Variants in GALNTL6 observed in about 807,000 individuals in gnomAD.
GALNTL6 encodes polypeptide N-acetylgalactosaminyltransferase like 6, also known as polypeptide N-acetylgalactosaminyltransferase-like 6.
GALNTL6 carries 46 observed loss-of-function variants against 73.7 expected under a neutral mutation model. The observed-to-expected ratio is 0.62, with a 90% confidence interval of 0.49 to 0.80. GALNTL6 has a LOEUF of 0.80. Ranked by LOEUF, GALNTL6 falls within the 30% of genes least tolerant of loss-of-function variation. The pLI is 0.00. For missense variants in GALNTL6, 604 were observed against 755.0 expected, an observed-to-expected ratio of 0.80 and a Z score of 2.34; for synonymous variants, 259 against 263.7, an observed-to-expected ratio of 0.98 and a Z score of 0.17.
intron 2 of GALNTL6, among the ~76,000 whole-genome samples, chr4:171,937,268 T>C (rs1050545364): frequency 2.4e-4 from 37 of 152,278 alleles, no homozygotes; most frequent in African/African-American, 8.7e-4. Flanking sequence ...AGAATTACTA[T>C]TGCTATTTTA....
chr4:172,229,251 C>T (rs1736971564), intron 2 of GALNTL6, among the ~76,000 whole-genome samples: 1 of 152,156 alleles, frequency 6.6e-6, no homozygotes, highest in Admixed American at 6.5e-5. Flanking sequence ...CAAAGCCGTT[C>T]AGATATGTTT....
chr4:172,457,583 C>G (rs1304856944), intron 5 of GALNTL6, among the ~76,000 whole-genome samples: 3 of 152,126 alleles, frequency 2.0e-5, no homozygotes, highest in Non-Finnish European at 4.4e-5. Flanking sequence ...ATAAAACAGA[C>G]TTTAAACCAA....
intron 5 of GALNTL6, among the ~76,000 whole-genome samples, chr4:172,524,078 T>G (rs1342423144): frequency 6.6e-6 from 1 of 152,206 alleles, no homozygotes; most frequent in African/African-American, 2.4e-5. Context: ...AGCACATATG[T>G]CTATAATCTA....
chr4:172,869,875 C>A lies in GALNTL6; in HGVS notation c.924-12915C>A, dbSNP rs144247107. Among the ~76,000 whole-genome samples, 364 of 152,212 alleles carry A rather than the reference C, an allele frequency of 2.4e-3. 2 individuals are homozygous for A. The highest frequency in any genetic ancestry group is 8.5e-3 in the African/African-American group (355 of 41,528). On this transcript the variant is annotated intron_variant, in intron 7 of 12. Coordinates refer to ENST00000506823, the MANE Select transcript of GALNTL6 (RefSeq NM_001034845.3). ...TCAATACATTCACATGTGTTAGTCA[C>A]CCCTTCTTAGGCTCTGGAAAGACTC...
At chr4:172,498,263 T>TA (rs1200036035) in intron 5 of GALNTL6, among the ~76,000 whole-genome samples, 9 of 152,072 alleles carry the variant, frequency 5.9e-5, no homozygotes, top group African/African-American at 2.2e-4. Flanking sequence ...GCTGGGATTA[T>TA]AGGCATGAGC....
chr4:172,351,063 T>C (rs6553627), intron 5 of GALNTL6, among the ~76,000 whole-genome samples: 3,452 of 152,220 alleles, frequency 0.023, 122 homozygotes, highest in African/African-American at 0.077. Context: ...GGGAGAGCGA[T>C]TGCTCTCAGC....
At chr4:172,876,577 C>T (rs1277940845) in intron 7 of GALNTL6, among the ~76,000 whole-genome samples, 6 of 152,274 alleles carry the variant, frequency 3.9e-5, no homozygotes, top group Middle Eastern at 6.8e-3. Context: ...ACCCCCAGCC[C>T]AGGAACAGCT....
chr4:172,646,893 T>C (rs1283987261), intron 5 of GALNTL6, among the ~76,000 whole-genome samples: 1 of 152,064 alleles, frequency 6.6e-6, no homozygotes, highest in East Asian at 1.9e-4. Context: ...AATCTTGACA[T>C]TAGAAAATTA....
chr4:172,417,250 T>C (rs1053741596), intron 5 of GALNTL6, among the ~76,000 whole-genome samples: 34 of 152,106 alleles, frequency 2.2e-4, no homozygotes, highest in African/African-American at 8.2e-4. Context: ...CTGTTCTTTT[T>C]GTTTCTTTCA....
At chr4:173,006,995 G>A (rs557228370) in intron 10 of GALNTL6, among the ~76,000 whole-genome samples, 62 of 152,168 alleles carry the variant, frequency 4.1e-4, no homozygotes, top group Non-Finnish European at 8.8e-4. Flanking sequence ...AGTAGCAGAT[G>A]AAGCCAACCT....
At chr4:172,672,520 C>G (rs1376029910) in intron 5 of GALNTL6, among the ~76,000 whole-genome samples, 1 of 152,218 alleles carries the variant, frequency 6.6e-6, no homozygotes, top group East Asian at 1.9e-4. Flanking sequence ...CAGCATGATG[C>G]TGGCCTCATA....
chr4:171,949,232 A>G (rs1382797552), intron 2 of GALNTL6, among the ~76,000 whole-genome samples: 1 of 152,174 alleles, frequency 6.6e-6, no homozygotes, highest in African/African-American at 2.4e-5. Context: ...GGACTGTGTC[A>G]TCAGTTTACC....
chr4:172,270,299 T>C (rs1342372513), intron 3 of GALNTL6, among the ~76,000 whole-genome samples: 1 of 152,124 alleles, frequency 6.6e-6, no homozygotes, highest in African/African-American at 2.4e-5. Flanking sequence ...CAGTAATATA[T>C]TCAAAATGTG....
intron 10 of GALNTL6, among the ~76,000 whole-genome samples, chr4:172,988,002 T>A (rs1751369911): frequency 6.6e-6 from 1 of 152,052 alleles, no homozygotes; most frequent in African/African-American, 2.4e-5. Flanking sequence ...ATACAGAAAA[T>A]TAATACTGGG....
chr4:172,034,399 CGTGTGTGTGTGTGTGTGTGTGTGTGT>C (rs1209195765), intron 2 of GALNTL6, among the ~76,000 whole-genome samples: 41 of 33,454 alleles, frequency 1.2e-3, no homozygotes, highest in Admixed American at 4.8e-3. Flanking sequence ...AGCGTGCGTG[CGTGTGTGTGTGTGTGTGTGTGTGTGT>C]GTGTGTGTGT....
At chr4:172,497,727 A>G (rs1265938542) in intron 5 of GALNTL6, among the ~76,000 whole-genome samples, 1 of 152,220 alleles carries the variant, frequency 6.6e-6, no homozygotes, top group East Asian at 1.9e-4. Flanking sequence ...CTGAAGCTGA[A>G]GAATCACTGT....
intron 2 of GALNTL6, among the ~76,000 whole-genome samples, chr4:171,828,070 A>G (rs1734872129): frequency 6.6e-6 from 1 of 152,224 alleles, no homozygotes; most frequent in South Asian, 2.1e-4. Flanking sequence ...GTTATAATAC[A>G]CTTACAGACC....
At chr4:172,868,614 C>T (rs1421133088) in intron 7 of GALNTL6, among the ~76,000 whole-genome samples, 1 of 152,146 alleles carries the variant, frequency 6.6e-6, no homozygotes, top group Non-Finnish European at 1.5e-5. Context: ...AGCTATTTCA[C>T]TGGTAGAATA....
intron 2 of GALNTL6, among the ~76,000 whole-genome samples, chr4:171,988,579 G>A (rs183020352): frequency 2.6e-5 from 4 of 152,260 alleles, no homozygotes; most frequent in Admixed American, 2.0e-4. Flanking sequence ...TATGGGTTTG[G>A]CACCACGGGG....
Sources: allele counts gnomAD v4.1 joint callset (sites outside exome capture counted in the v4.1 genomes callset), GRCh38; gene constraint gnomAD v4.1.1; transcripts MANE v1.5; gene names NCBI Gene and HGNC (gene_info 2026-07-23, HGNC 2026-07-21).